Variants in AKAP9 observed in about 807,000 individuals in gnomAD.
AKAP9 encodes A-kinase anchoring protein 9.
In AKAP9, 311 loss-of-function variants were observed where a neutral mutation model predicts 488.5. The observed-to-expected ratio is 0.64, with a 90% CI of 0.58 to 0.70. The LOEUF is 0.70. AKAP9 is among the 30% of genes least tolerant of loss of function. The pLI, the probability that AKAP9 is intolerant of heterozygous loss-of-function variation, is 0.00. For synonymous variants in AKAP9, 1,462 were observed against 1,483.5 expected (o/e 0.99, Z 0.33); for missense variants, 4,215 against 4,374.5 (o/e 0.96, Z 1.03).
intron 16 of AKAP9, among the ~76,000 whole-genome samples, chr7:92,034,480 C>CTATATATA (rs201647585): frequency 1.1e-4 from 12 of 109,868 alleles, no homozygotes; most frequent in South Asian, 3.0e-4. Context: ...GTGTATATAT[C>CTATATATA]TATATATATA....
chr7:92,002,898 G>A lies in AKAP9; in HGVS notation c.2981G>A (p.Cys994Tyr). 1 of 1,612,366 alleles carries A rather than the reference G, an allele frequency of 6.2e-7. No homozygotes were observed. The highest frequency in any genetic ancestry group is 8.5e-7 in the Non-Finnish European group (1 of 1,179,256). Reference protein sequence around the residue: ...KQEKEQVSLRCRELEIIINHN... With the variant: ...KQEKEQVSLRYRELEIIINHN... The stretch of plus-strand genomic sequence containing the variant: ...GAGAAAGAACAAGTTTCATTGAGAT[G>A]TAGAGAGCTAGAAATCATTATTAAC... The change falls in exon 8 of 50, where the codon TGT becomes TAT. Residue 994 changes from cysteine to tyrosine, a missense_variant. Around this residue, in one of 5 missense-constraint regions of AKAP9, gnomAD observed 2,361 missense variants for 2,430.0 expected, o/e 0.97. Coordinates refer to ENST00000356239, the MANE Select transcript of AKAP9 (RefSeq NM_005751.5).
At chr7:92,067,167 C>T (rs1255092373) in intron 26 of AKAP9, among the ~76,000 whole-genome samples, 1 of 152,248 alleles carries the variant, frequency 6.6e-6, no homozygotes, top group Admixed American at 6.5e-5. Flanking sequence ...CTCTTGGGCC[C>T]CTTTTTATTT....
rs563521118 is a variant in AKAP9 at position 92,089,416 on chromosome 7, T to C, written c.9245T>C (p.Leu3082Pro). The C allele has an allele frequency of 6.2e-7, 1 of 1,611,960 alleles. No individual in the cohort carries two copies. The highest frequency in any genetic ancestry group is 1.1e-5 in the South Asian group (1 of 91,004). Residue 3082 changes from leucine (L) to proline (P), a missense_variant, in exon 38 of 50, where the codon CTC becomes CCC. Leu to Pro is a moderately conservative substitution (Grantham distance 98). This residue lies in a region of AKAP9 where 1,476 missense variants were observed against 1,477.4 expected (regional missense o/e 1.00). Coordinates refer to ENST00000356239, the MANE Select transcript of AKAP9 (RefSeq NM_005751.5). Reference sequence around the variant, plus strand: ...GAATATCAAGCAGCTATGGAATGCCTCCAGAAAGCAGATAGAAGGAGTTTG... The same window carrying C: ...GAATATCAAGCAGCTATGGAATGCCCCCAGAAAGCAGATAGAAGGAGTTTG... ...GVEYQAAMEC[L>P]QKADRRSLLS...
At chr7:92,060,080 T>TA (rs1417528887) in intron 22 of AKAP9, among the ~76,000 whole-genome samples, 1 of 151,960 alleles carries the variant, frequency 6.6e-6, no homozygotes, top group Non-Finnish European at 1.5e-5. Context: ...TGATTTAGAG[T>TA]AGCCATCAAA....
At chr7:92,018,395 A>AACACACACACACACAC (rs56394853) in intron 12 of AKAP9, among the ~76,000 whole-genome samples, 214 of 120,664 alleles carry the variant, frequency 1.8e-3, no homozygotes, top group East Asian at 5.1e-3. Flanking sequence ...CTAAAAATAT[A>AACACACACACACACAC]ACACACACAC....
At chr7:92,057,894 T>A in intron 22 of AKAP9, 1 of 225,122 alleles carries the variant, frequency 4.4e-6, no homozygotes, top group Non-Finnish European at 8.9e-6. Context: ...TGTTTTTTGA[T>A]TTTTTTTGGT....
intron 8 of AKAP9, among the ~76,000 whole-genome samples, chr7:92,007,526 A>G (rs1209335627): frequency 1.3e-5 from 2 of 152,084 alleles, no homozygotes; most frequent in Non-Finnish European, 2.9e-5. Flanking sequence ...TATGAATAAA[A>G]CAATGTAAAT....
intron 2 of AKAP9, among the ~76,000 whole-genome samples, chr7:91,979,979 G>A (rs943668648): frequency 3.3e-5 from 5 of 152,184 alleles, no homozygotes; most frequent in African/African-American, 1.2e-4. Context: ...ACTGTATGAG[G>A]ATTGGAGGAA....
intron 46 of AKAP9, among the ~76,000 whole-genome samples, chr7:92,105,068 A>G (rs1818307931): frequency 6.6e-6 from 1 of 152,096 alleles, no homozygotes. Flanking sequence ...TGACCCTCCT[A>G]AGATGGAGCC....
intron 22 of AKAP9, among the ~76,000 whole-genome samples, chr7:92,053,335 A>G (rs568368921): frequency 1.3e-5 from 2 of 152,314 alleles, no homozygotes; most frequent in South Asian, 4.1e-4. Flanking sequence ...ACTTGATACC[A>G]TTGTAAATTA....
At chr7:91,961,412 A>G (rs1793715458) in intron 1 of AKAP9, among the ~76,000 whole-genome samples, 1 of 151,672 alleles carries the variant, frequency 6.6e-6, no homozygotes, top group South Asian at 2.1e-4. Flanking sequence ...TCCTGACCTC[A>G]GGGGATCCAC....
chr7:92,001,692 A>G lies in AKAP9; in HGVS notation c.1775A>G (p.Glu592Gly). The G allele has an allele frequency of 1.5e-5, 24 of 1,612,364 alleles. No individual in the cohort carries two copies. Among genetic ancestry groups the G allele is most frequent in the Non-Finnish European group, 1.9e-5 (23 of 1,179,524 alleles). Residue 592 changes from glutamate to glycine, a missense_variant, in exon 8 of 50, where the codon GAA (glutamate) becomes GGA (glycine). Glu to Gly is a moderately conservative substitution (Grantham distance 98). Coordinates refer to ENST00000356239, the MANE Select transcript of AKAP9 (RefSeq NM_005751.5). ...GAACTAGAATTAAAACATGAAGCAG[A>G]AGTTACAAATTACAAGATAAAACTT... ...RKELELKHEAEVTNYKIKLEM... is the reference protein window; with the variant it reads ...RKELELKHEAGVTNYKIKLEM...
chr7:92,091,604 A>C lies in AKAP9; in HGVS notation c.9359-1493A>C, dbSNP rs1283786942. Among the ~76,000 whole-genome samples the C allele has an allele frequency of 1.4e-3, 208 of 151,188 alleles. 2 individuals are homozygous for C. Among genetic ancestry groups the C allele is most frequent in the Non-Finnish European group, 2.3e-3 (158 of 67,742 alleles). ...CTGTCTCAAAAAAAAAAAACAAAAA[A>C]AAAAAACAAAGCAGAAGCATTCTTA... is the stretch of plus-strand genomic sequence containing the variant. On this transcript the variant is annotated intron_variant, in intron 38 of 49. Transcript: ENST00000356239.
intron 12 of AKAP9, among the ~76,000 whole-genome samples, chr7:92,018,138 G>A (rs1020510053): frequency 1.3e-5 from 2 of 152,096 alleles, no homozygotes; most frequent in African/African-American, 2.4e-5. Context: ...CTTGTGCATC[G>A]TGTTGCCATT....
chr7:92,104,141 A>G (rs1818106734), intron 46 of AKAP9, among the ~76,000 whole-genome samples: 1 of 152,012 alleles, frequency 6.6e-6, no homozygotes, highest in African/African-American at 2.4e-5. Context: ...TTTGCTTTTT[A>G]AAGTTATTTC....
At chr7:92,070,773 A>T in intron 27 of AKAP9, 132 bp from the exon 28 acceptor site, 1 of 672,762 alleles carries the variant, frequency 1.5e-6, no homozygotes, top group Non-Finnish European at 2.4e-6. Context: ...TAGACTTTCT[A>T]CTTCTAATTG....
chr7:92,075,053 A>G (rs1207313257), intron 28 of AKAP9, among the ~76,000 whole-genome samples: 1 of 151,792 alleles, frequency 6.6e-6, no homozygotes, highest in East Asian at 1.9e-4. Context: ...TTCATTTCCT[A>G]TCTGATTACT....
At chr7:91,956,544 A>G (rs1296003759) in intron 1 of AKAP9, among the ~76,000 whole-genome samples, 1 of 152,108 alleles carries the variant, frequency 6.6e-6, no homozygotes, top group Non-Finnish European at 1.5e-5. Context: ...TGGCATCTGT[A>G]TCTTGGTGCT....
At position 92,001,100 on chromosome 7, in the gene AKAP9, A is replaced by C; in HGVS notation, c.1183A>C (p.Lys395Gln). The stretch of plus-strand genomic sequence containing the variant: ...AGAAAGACAGTCTTCTGAAGAAATA[A>C]AACAGTTAATGGGGACAGTCGAAGA... ...QKERQSSEEI[K>Q]QLMGTVEELQ... Residue 395 changes from lysine (K) to glutamine (Q), a missense_variant, in exon 8 of 50, where the codon AAA becomes CAA. Lys to Gln is a moderately conservative substitution (Grantham distance 53). Around this residue, in one of 5 missense-constraint regions of AKAP9, gnomAD observed 2,361 missense variants for 2,430.0 expected, o/e 0.97. Transcript: ENST00000356239. 1 of 1,613,970 alleles carries C rather than the reference A, an allele frequency of 6.2e-7. No individual in the cohort carries two copies. The highest frequency in any genetic ancestry group is 8.5e-7 in the Non-Finnish European group (1 of 1,179,936).
Sources: gnomAD v4.1 joint callset for allele counts (sites outside exome capture counted in the v4.1 genomes callset) on GRCh38, gnomAD v4.1.1 for gene constraint, gnomAD v4.1.1 regional missense constraint, MANE v1.5 for transcripts, NCBI Gene and HGNC (gene_info 2026-07-23, HGNC 2026-07-21) for gene names.